The following PRIM2 variants were observed in gnomAD, a reference collection of about 807,000 sequenced individuals.
PRIM2 encodes DNA primase subunit 2, also known as DNA primase large subunit.
PRIM2 carries 39 observed loss-of-function variants against 67.3 expected under a neutral mutation model. That is an observed-to-expected ratio of 0.58 (90% CI 0.45 to 0.76). The LOEUF is 0.76. Among genes scored for constraint, PRIM2 ranks in the 30% least tolerant of loss-of-function variants. The pLI, the probability that PRIM2 is intolerant of heterozygous loss-of-function variation, is 0.00. For missense variants in PRIM2, 398 were observed against 598.7 expected (o/e 0.66, Z 3.50); for synonymous variants, 143 against 198.7 (o/e 0.72, Z 2.36).
intron 7 of PRIM2, among the ~76,000 whole-genome samples, chr6:57,392,744 A>G (rs1770395766): frequency 6.6e-6 from 1 of 151,650 alleles, no homozygotes; most frequent in South Asian, 2.1e-4. Context: ...TAAGTTCTTT[A>G]GTGTTGATTT....
chr6:57,460,427 T>C (rs1226414067), intron 7 of PRIM2, among the ~76,000 whole-genome samples: 3 of 152,084 alleles, frequency 2.0e-5, no homozygotes, highest in African/African-American at 7.2e-5. Flanking sequence ...TCTCTGCAAT[T>C]CCACAGAAGG....
intron 5 of PRIM2, among the ~76,000 whole-genome samples, chr6:57,339,515 T>G (rs573206911): frequency 6.6e-6 from 1 of 151,922 alleles, no homozygotes; most frequent in Non-Finnish European, 1.5e-5. Flanking sequence ...GAGATATAGA[T>G]CAATGGAACA....
At chr6:57,612,619 G>T (rs1776687242) in intron 12 of PRIM2, among the ~76,000 whole-genome samples, 1 of 152,128 alleles carries the variant, frequency 6.6e-6, no homozygotes, top group Admixed American at 6.5e-5. Context: ...TGTGTTGATT[G>T]CAGGGTAATA....
intron 7 of PRIM2, among the ~76,000 whole-genome samples, chr6:57,474,889 G>A (rs1773437957): frequency 1.3e-5 from 2 of 152,162 alleles, no homozygotes; most frequent in Admixed American, 1.3e-4. Context: ...TGCTGACACT[G>A]GCATAGAACT....
intron 8 of PRIM2, among the ~76,000 whole-genome samples, chr6:57,513,990 A>G (rs1554347975): frequency 6.6e-6 from 1 of 152,216 alleles, no homozygotes; most frequent in Non-Finnish European, 1.5e-5. Flanking sequence ...GCAAGCTAAA[A>G]CAAGTATTAC....
chr6:57,569,736 T>C (rs1371878976), intron 10 of PRIM2, among the ~76,000 whole-genome samples: 1 of 152,064 alleles, frequency 6.6e-6, no homozygotes, highest in Non-Finnish European at 1.5e-5. Flanking sequence ...TTTATTTCAG[T>C]TCTTACCCTT....
the PRIM2 span, among the ~76,000 whole-genome samples, chr6:57,307,489 C>T: frequency 5.3e-5 from 8 of 151,952 alleles, no homozygotes; most frequent in African/African-American, 9.7e-5. Flanking sequence ...CCGCCCACCT[C>T]GGCCTCCCAA....
chr6:57,552,543 C>T (rs1464480061), intron 10 of PRIM2, among the ~76,000 whole-genome samples: 2 of 152,168 alleles, frequency 1.3e-5, no homozygotes, highest in African/African-American at 2.4e-5. Flanking sequence ...TTTAATCCCC[C>T]ACTGGAAAGA....
intron 10 of PRIM2, among the ~76,000 whole-genome samples, chr6:57,572,001 T>C (rs1356085540): frequency 6.6e-6 from 1 of 152,248 alleles, no homozygotes; most frequent in Admixed American, 6.5e-5. Context: ...TCTTACTTTG[T>C]ATTTGTTGAA....
intron 10 of PRIM2, among the ~76,000 whole-genome samples, chr6:57,574,397 C>T (rs1775924139): frequency 6.6e-6 from 1 of 152,174 alleles, no homozygotes; most frequent in African/African-American, 2.4e-5. Flanking sequence ...TAAGTCTACA[C>T]TTTCCTTGCT....
chr6:57,589,549 C>T (rs2127487923), intron 10 of PRIM2, among the ~76,000 whole-genome samples: 1 of 152,198 alleles, frequency 6.6e-6, no homozygotes, highest in Non-Finnish European at 1.5e-5. Flanking sequence ...TGTGAAAGAG[C>T]CTCAGTAGTT....
chr6:57,413,909 A>C (rs1436888128), intron 7 of PRIM2, among the ~76,000 whole-genome samples: 1 of 152,096 alleles, frequency 6.6e-6, no homozygotes, highest in Non-Finnish European at 1.5e-5. Context: ...CAGGGCTTTG[A>C]AGAGTACAGA....
chr6:57,239,688 T>C, the PRIM2 span, among the ~76,000 whole-genome samples: 1 of 152,154 alleles, frequency 6.6e-6, no homozygotes, highest in African/African-American at 2.4e-5. Flanking sequence ...CGAGGCTGCA[T>C]TGAGCCAAGA....
chr6:57,544,245 C>G (rs1775239119), intron 10 of PRIM2, among the ~76,000 whole-genome samples: 2 of 151,180 alleles, frequency 1.3e-5, no homozygotes, highest in South Asian at 4.2e-4. Flanking sequence ...TGGAATGTCT[C>G]TGGTCGGAGA....
intron 7 of PRIM2, among the ~76,000 whole-genome samples, chr6:57,487,156 T>C (rs1253815262): frequency 6.6e-6 from 1 of 152,188 alleles, no homozygotes; most frequent in Non-Finnish European, 1.5e-5. Flanking sequence ...TTGTTTAATA[T>C]TAAATTTAAT....
At chr6:57,287,477 G>T in the PRIM2 span, among the ~76,000 whole-genome samples, 3 of 152,164 alleles carry the variant, frequency 2.0e-5, no homozygotes, top group Non-Finnish European at 4.4e-5. Context: ...GATGAAGCTG[G>T]AAACAATCAC....
At chr6:57,366,989 AAAT>A (rs1769382861) in intron 5 of PRIM2, among the ~76,000 whole-genome samples, 1 of 152,184 alleles carries the variant, frequency 6.6e-6, no homozygotes, top group Non-Finnish European at 1.5e-5. Context: ...TAGTATAAGT[AAAT>A]AATCTTTCCT....
chr6:57,297,963 T>A, the PRIM2 span, among the ~76,000 whole-genome samples: 1 of 152,186 alleles, frequency 6.6e-6, no homozygotes, highest in Admixed American at 6.5e-5. Flanking sequence ...AAGACATCAG[T>A]GGGACAATGT....
At chr6:57,278,103 G>T in the PRIM2 span, among the ~76,000 whole-genome samples, 1 of 152,140 alleles carries the variant, frequency 6.6e-6, no homozygotes, top group Admixed American at 6.5e-5. Context: ...GAGATGGGCA[G>T]ATCACTTCAA....
Sources: gnomAD v4.1 joint callset for allele counts (sites outside exome capture counted in the v4.1 genomes callset) on GRCh38, gnomAD v4.1.1 for gene constraint, MANE v1.5 for transcripts, NCBI Gene and HGNC (gene_info 2026-07-23, HGNC 2026-07-21) for gene names.